Variants in LMBRD1 observed in about 807,000 individuals in gnomAD.
LMBRD1 encodes the protein LMBR1 domain containing 1, also known as lysosomal cobalamin transport escort protein LMBD1.
LMBRD1 carries 64 observed loss-of-function variants against 74.8 expected under a neutral mutation model. The ratio of observed to expected loss-of-function variants is 0.86; its 90% CI spans 0.70 to 1.05. LMBRD1 has a LOEUF of 1.05. Among genes scored for constraint, LMBRD1 ranks in the 50% least tolerant of loss-of-function variants. LMBRD1 has a pLI of 0.00. For synonymous variants in LMBRD1, 204 were observed against 216.3 expected (o/e 0.94, Z 0.50); for missense variants, 652 against 645.9 (o/e 1.01, Z -0.10).
chr6:69,755,588 TAA>T lies in LMBRD1; in HGVS notation c.308-3234_308-3233del, dbSNP rs75543340. On this transcript the variant is annotated intron_variant, in intron 3 of 15. Coordinates refer to ENST00000649934, the MANE Select transcript of LMBRD1 (RefSeq NM_018368.4). ...CATTCTGCACATGTATCCCAGAACT[TAA>T]AAAAAAAAAAAAAAAAATTGTTAAC... Among the ~76,000 whole-genome samples the T allele has an allele frequency of 4.4e-3, 579 of 132,790 alleles. 1 individual carries two copies. Among genetic ancestry groups the T allele is most frequent in the African/African-American group, 0.014 (507 of 35,236 alleles). 87.1% of individuals were successfully genotyped at this position (132,790 alleles called of 152,430 possible). A position where few individuals can be genotyped will look rare whatever the true frequency, so the allele number is the denominator to read the frequency against.
chr6:69,796,651 C>T (rs1766239573), intron 1 of LMBRD1, among the ~76,000 whole-genome samples, 162 bp downstream of exon 1: 1 of 152,158 alleles, frequency 6.6e-6, no homozygotes. Context: ...CTGCCCCCGC[C>T]GCCCGCCCAA....
chr6:69,757,027 A>T (rs1402833976), intron 3 of LMBRD1, among the ~76,000 whole-genome samples: 1 of 152,234 alleles, frequency 6.6e-6, no homozygotes, highest in Non-Finnish European at 1.5e-5. Flanking sequence ...TGATGTTGAG[A>T]GAAATATTAT....
rs1219047536 is a variant in LMBRD1 at position 69,749,891 on chromosome 6, T to TA, written c.406-484dup. Among the ~76,000 whole-genome samples the TA allele has an allele frequency of 2.6e-3, 347 of 131,498 alleles. 45 individuals are homozygous for TA. Among genetic ancestry groups the TA allele is most frequent in the African/African-American group, 0.01 (294 of 29,260 alleles). 86.3% of individuals were successfully genotyped at this position (131,498 alleles called of 152,430 possible). On this transcript the variant is annotated intron_variant, in intron 4 of 15. Coordinates refer to ENST00000649934, the MANE Select transcript of LMBRD1 (RefSeq NM_018368.4). ...ATATAAGTATATATACACATATACA[T>TA]ACTCATATATACATATATAAGTATA...
intron 9 of LMBRD1, chr6:69,706,126 CG>C: frequency 5.2e-6 from 3 of 578,252 alleles, no homozygotes; most frequent in South Asian, 3.2e-5. Context: ...CCAGGGCCTC[CG>C]GGGGTTTATG....
chr6:69,747,084 A>C (rs993339057), intron 5 of LMBRD1, among the ~76,000 whole-genome samples: 1 of 151,672 alleles, frequency 6.6e-6, no homozygotes, highest in East Asian at 1.9e-4. Context: ...AACAAAATCC[A>C]TATGTTGAAG....
chr6:69,674,545 C>T lies in LMBRD1; in HGVS notation c.*1613G>A, dbSNP rs1445529997. On this transcript the variant is annotated 3_prime_UTR_variant, in exon 16 of 16. Transcript: ENST00000649934. ...CAGAAGAAGGCTTAGTTTGCCCCCA[C>T]AAAAGTGAATACTTCAATTTTCAAA... Among the ~76,000 whole-genome samples, 1 of 152,132 alleles carries T rather than the reference C, an allele frequency of 6.6e-6. No homozygotes were observed. The highest frequency in any genetic ancestry group is 1.5e-5 in the Non-Finnish European group (1 of 68,018).
intron 14 of LMBRD1, among the ~76,000 whole-genome samples, chr6:69,691,249 A>C (rs551848286): frequency 2.6e-5 from 4 of 151,650 alleles, no homozygotes; most frequent in African/African-American, 9.7e-5. Flanking sequence ...AAAAAAAAAA[A>C]CTGGAATCCA....
chr6:69,709,316 G>T (rs1766333459), intron 9 of LMBRD1, among the ~76,000 whole-genome samples: 1 of 151,562 alleles, frequency 6.6e-6, no homozygotes, highest in South Asian at 2.1e-4. Flanking sequence ...CAAACACAGA[G>T]ATAAATGAAC....
chr6:69,730,648 T>C (rs1419925536), intron 7 of LMBRD1, among the ~76,000 whole-genome samples: 5 of 152,134 alleles, frequency 3.3e-5, no homozygotes, highest in South Asian at 2.1e-4. Context: ...GGTACAATTA[T>C]TGAGTTTAAT....
At chr6:69,711,209 C>G (rs925970566) in intron 9 of LMBRD1, among the ~76,000 whole-genome samples, 1 of 152,054 alleles carries the variant, frequency 6.6e-6, no homozygotes, top group African/African-American at 2.4e-5. Flanking sequence ...CCAAAGAAGC[C>G]ATCAGACAAA....
chr6:69,711,255 T>C (rs1766377067), intron 9 of LMBRD1, among the ~76,000 whole-genome samples: 1 of 152,120 alleles, frequency 6.6e-6, no homozygotes, highest in South Asian at 2.1e-4. Flanking sequence ...TATTTAAAAT[T>C]CCAGAACACA....
intron 3 of LMBRD1, among the ~76,000 whole-genome samples, chr6:69,767,498 G>T (rs568226822): frequency 1.3e-4 from 19 of 151,714 alleles, no homozygotes; most frequent in Non-Finnish European, 2.8e-4. Flanking sequence ...AATACTTGTG[G>T]ATTGCCAAGA....
chr6:69,722,392 A>C (rs1726225212), intron 7 of LMBRD1, among the ~76,000 whole-genome samples: 1 of 152,102 alleles, frequency 6.6e-6, no homozygotes, highest in Admixed American at 6.6e-5. Flanking sequence ...AAAACAAAGA[A>C]TAGTATAACA....
At chr6:69,753,918 G>A (rs949774171) in intron 3 of LMBRD1, among the ~76,000 whole-genome samples, 2 of 151,506 alleles carry the variant, frequency 1.3e-5, no homozygotes, top group Admixed American at 6.6e-5. Flanking sequence ...TCCAGCCTGG[G>A]CGAGAGAGAG....
In LMBRD1 at chr6:69,770,319, G is replaced by A. The variant is rs193047099; in HGVS notation, c.307+10175C>T. ...ATAACCAAGCTGGAAGTTGGGGGTA[G>A]GGAAACATAACAGCCCTAGGCTAAA... On this transcript the variant is annotated intron_variant, in intron 3 of 15. Transcript: ENST00000649934. Among the ~76,000 whole-genome samples, 350 of 152,282 alleles carry A rather than the reference G, an allele frequency of 2.3e-3. 3 individuals carry two copies. The highest frequency in any genetic ancestry group is 6.7e-3 in the African/African-American group (278 of 41,554).
At chr6:69,714,671 C>T (rs953560588) in intron 8 of LMBRD1, among the ~76,000 whole-genome samples, 7 of 152,178 alleles carry the variant, frequency 4.6e-5, no homozygotes, top group African/African-American at 1.7e-4. Context: ...CTAGCAGATA[C>T]ACAACATATT....
intron 6 of LMBRD1, among the ~76,000 whole-genome samples, chr6:69,738,599 T>TACACACACAC (rs3217690): frequency 3.4e-5 from 5 of 145,226 alleles, no homozygotes; most frequent in African/African-American, 1.2e-4. Flanking sequence ...GGTTTAAAAA[T>TACACACACAC]ACACACACAC....
At position 69,749,273 on chromosome 6, in the gene LMBRD1, C is replaced by CT. The variant is rs199958945; in HGVS notation, c.473+67dup. The CT allele has an allele frequency of 7.0e-4, 870 of 1,236,730 alleles. 5 individuals carry two copies. Among genetic ancestry groups the CT allele is most frequent in the African/African-American group, 5.2e-3 (301 of 58,266 alleles). The allele number at this position is 1,236,730 out of a possible 1,614,324, so 76.6% of individuals were successfully genotyped here. A position where few individuals can be genotyped will look rare whatever the true frequency, so the allele number is the denominator to read the frequency against. On this transcript the variant is annotated intron_variant, in intron 5 of 15. Transcript: ENST00000649934. ...CTTTCCTAGATTTTTCTGAATGATC[C>CT]TTTTATTTTTTTTTTCAAATAATTC...
At chr6:69,689,124 G>A (rs900479470) in intron 14 of LMBRD1, among the ~76,000 whole-genome samples, 17 of 152,176 alleles carry the variant, frequency 1.1e-4, no homozygotes, top group African/African-American at 2.9e-4. Flanking sequence ...ATGACTTGGG[G>A]TGGGGGTAGA....
Sources: allele counts gnomAD v4.1 joint callset (sites outside exome capture counted in the v4.1 genomes callset), GRCh38; gene constraint gnomAD v4.1.1; transcripts MANE v1.5; gene names NCBI Gene and HGNC (gene_info 2026-07-23, HGNC 2026-07-21).